ZSCAN25: variants seen among roughly 807,000 people sequenced by gnomAD.
ZSCAN25 encodes the protein zinc finger and SCAN domain containing 25.
Under a neutral mutation model 38.7 loss-of-function variants are expected in ZSCAN25, and 27 were observed. That is an observed-to-expected ratio of 0.70 (90% confidence interval 0.51 to 0.96). ZSCAN25 has a LOEUF of 0.96. Ranked by LOEUF, ZSCAN25 falls within the 40% of genes least tolerant of loss-of-function variation. ZSCAN25 has a pLI of 0.00. For synonymous variants in ZSCAN25, 273 were observed against 277.7 expected (o/e 0.98, Z 0.17); for missense variants, 637 against 705.9 (o/e 0.90, Z 1.11).
chr7:99,647,749 A>T, the ZSCAN25 span: 2 of 985,422 alleles, frequency 2.0e-6, no homozygotes, highest in Non-Finnish European at 2.4e-6. Flanking sequence ...AAGGCCCCAC[A>T]CCAACAGTGA....
chr7:99,713,012 T>C, the ZSCAN25 span, among the ~76,000 whole-genome samples: 9 of 152,180 alleles, frequency 5.9e-5, no homozygotes, highest in Non-Finnish European at 1.3e-4. Context: ...AAATTGCCAG[T>C]TAAAATCGCC....
the ZSCAN25 span, among the ~76,000 whole-genome samples, chr7:99,710,349 C>T: frequency 0.016 from 2,400 of 152,256 alleles, 31 homozygotes; most frequent in Non-Finnish European, 0.024. Context: ...ACCTGCACAG[C>T]GCACCCAGGG....
chr7:99,676,695 T>C, the ZSCAN25 span: 13 of 563,926 alleles, frequency 2.3e-5, no homozygotes, highest in African/African-American at 5.8e-5. Flanking sequence ...CCCTTACAAT[T>C]TGCTCAGAAA....
At chr7:99,684,928 C>T in the ZSCAN25 span, 1 of 379,192 alleles carries the variant, frequency 2.6e-6, no homozygotes. Flanking sequence ...TTCCCAAGCA[C>T]TGATTTGGTC....
chr7:99,737,158 A>G, the ZSCAN25 span, among the ~76,000 whole-genome samples: 5 of 152,292 alleles, frequency 3.3e-5, no homozygotes, highest in South Asian at 8.3e-4. Context: ...CCATGCTACT[A>G]TCCCCAGTTT....
the ZSCAN25 span, among the ~76,000 whole-genome samples, chr7:99,689,453 C>G: frequency 2.6e-5 from 4 of 152,254 alleles, no homozygotes; most frequent in Non-Finnish European, 5.9e-5. Flanking sequence ...TACACCCTCC[C>G]AAGACTAAAC....
the ZSCAN25 span, among the ~76,000 whole-genome samples, chr7:99,709,622 G>A: frequency 6.6e-6 from 1 of 152,106 alleles, no homozygotes; most frequent in East Asian, 1.9e-4. Flanking sequence ...ATTCAAAAAA[G>A]AGGTTACACG....
chr7:99,622,510 A>G, intron 5 of ZSCAN25, 39 bp from the exon 6 acceptor site: 15 of 1,593,510 alleles, frequency 9.4e-6, no homozygotes, highest in African/African-American at 1.3e-5. Context: ...AACATCACTG[A>G]TCCTTCTGAT....
chr7:99,705,442 T>G, the ZSCAN25 span: 1 of 1,566,458 alleles, frequency 6.4e-7, no homozygotes, highest in Non-Finnish European at 8.8e-7. Context: ...TAATTTGAGG[T>G]CTCTGGTGTT....
chr7:99,649,309 T>C, the ZSCAN25 span, among the ~76,000 whole-genome samples: 1 of 152,120 alleles, frequency 6.6e-6, no homozygotes, highest in African/African-American at 2.4e-5. Context: ...GCACAAAGTG[T>C]ACTTAAGGGG....
chr7:99,626,127 A>G (rs188020375), intron 7 of ZSCAN25, among the ~76,000 whole-genome samples: 67 of 152,358 alleles, frequency 4.4e-4, no homozygotes, highest in Non-Finnish European at 1.0e-4. Context: ...TTGTAATTGC[A>G]GTAATGTCCA....
the ZSCAN25 span, chr7:99,705,389 A>T: frequency 1.6e-6 from 2 of 1,220,658 alleles, no homozygotes; most frequent in Non-Finnish European, 2.4e-6. Context: ...TATGCAGCAC[A>T]TTGGATGAAG....
the ZSCAN25 span, among the ~76,000 whole-genome samples, chr7:99,688,515 C>G: frequency 7.9e-5 from 12 of 152,308 alleles, no homozygotes; most frequent in Non-Finnish European, 1.2e-4. Context: ...CACCCAGATT[C>G]ATAAAGCAAG....
the ZSCAN25 span, chr7:99,709,310 T>A: frequency 1.3e-6 from 2 of 1,588,144 alleles, no homozygotes; most frequent in East Asian, 2.3e-5. Context: ...TTGAATTAAC[T>A]TTTAACTCAG....
the ZSCAN25 span, among the ~76,000 whole-genome samples, chr7:99,653,450 C>CAAAT: frequency 0.66 from 96,328 of 145,276 alleles, 34,188 homozygotes; most frequent in Non-Finnish European, 0.79. This position sits in a 1 kb window ranked among gnomAD's most constrained non-coding sequence, Gnocchi z 4.2. Flanking sequence ...GACCCTGTCT[C>CAAAT]AAATAAATAA....
At position 99,629,089 on chromosome 7, in the gene ZSCAN25, AAG is replaced by A; in HGVS notation, c.806-98_806-97del. ...GTTGAGGTTGTTGGTCAAAGGAAAA[AAG>A]AGAAGGAACCATGAATGGGACCCCT... is the stretch of plus-strand genomic sequence containing the variant. On this transcript the variant is annotated intron_variant, in intron 7 of 7. Transcript: ENST00000394152. The surrounding 1 kb of genome is among the most constrained non-coding windows in gnomAD (Gnocchi z 5.6). 6.8e-7 allele frequency: 1 copy of A among 1,474,122 alleles called. No homozygotes were observed. 91.3% of individuals were successfully genotyped at this position (1,474,122 alleles called of 1,614,324 possible).
At chr7:99,708,682 A>G in the ZSCAN25 span, among the ~76,000 whole-genome samples, 33 of 152,140 alleles carry the variant, frequency 2.2e-4, no homozygotes, top group Non-Finnish European at 4.3e-4. Flanking sequence ...TTCAAATTTG[A>G]TTCCTGAAGA....
intron 1 of ZSCAN25, among the ~76,000 whole-genome samples, chr7:99,617,805 A>G (rs567376306): frequency 1.9e-4 from 29 of 152,324 alleles, no homozygotes; most frequent in African/African-American, 3.8e-4. Flanking sequence ...GGCAATTTCT[A>G]TTTGTCAAAT....
the ZSCAN25 span, chr7:99,699,872 CTT>C: frequency 2.4e-6 from 2 of 830,066 alleles, no homozygotes; most frequent in African/African-American, 3.4e-5. Flanking sequence ...TTGAACATCT[CTT>C]TTGATCTTTA....
Sources: gnomAD v4.1 joint callset for allele counts (sites outside exome capture counted in the v4.1 genomes callset) on GRCh38, gnomAD v4.1.1 for gene constraint, Gnocchi (gnomAD v3.1) non-coding constraint, MANE v1.5 for transcripts, NCBI Gene and HGNC (gene_info 2026-07-23, HGNC 2026-07-21) for gene names.